Variants in TSPEAR observed in about 807,000 individuals in gnomAD.
TSPEAR encodes thrombospondin type laminin G domain and EAR repeats, also known as thrombospondin-type laminin G domain and EAR repeat-containing protein.
TSPEAR carries 69 observed loss-of-function variants against 71.6 expected under a neutral mutation model. The observed-to-expected ratio is 0.96, with a 90% CI of 0.79 to 1.18. The LOEUF (loss-of-function observed/expected upper bound fraction) is 1.18, where lower values mean the gene tolerates loss of function less well. TSPEAR is among the 50% of genes most tolerant of loss of function. The pLI, the probability that TSPEAR is intolerant of heterozygous loss-of-function variation, is 0.00. For missense variants in TSPEAR, 971 were observed against 894.9 expected (o/e 1.09, Z -1.09); for synonymous variants, 402 against 387.2 (o/e 1.04, Z -0.45).
At chr21:44,636,048 GT>G (rs1232247685) in intron 1 of TSPEAR, among the ~76,000 whole-genome samples, 1 of 151,266 alleles carries the variant, frequency 6.6e-6, no homozygotes, top group Non-Finnish European at 1.5e-5. Flanking sequence ...ATCTTATCCT[GT>G]TTTAGTGGTA....
At chr21:44,604,552 C>T (rs587619724) in intron 1 of TSPEAR, among the ~76,000 whole-genome samples, 60 of 152,238 alleles carry the variant, frequency 3.9e-4, no homozygotes, top group Non-Finnish European at 1.6e-4. Flanking sequence ...AGTCTCACTT[C>T]TTTCTTTTCT....
Position 44,647,555 on chromosome 21 carries a change from CTG to C in TSPEAR, c.82+63876_82+63877del, listed in dbSNP as rs1984516364. The C allele has an allele frequency of 1.1e-5, 7 of 663,708 alleles. No individual in the cohort carries two copies. In the South Asian group the frequency reaches 1.2e-4, roughly 11 times the overall value. 41.1% of individuals were successfully genotyped at this position (663,708 alleles called of 1,614,324 possible). A position where few individuals can be genotyped will look rare whatever the true frequency, so the allele number is the denominator to read the frequency against. ...ACCCACAAATCCCTCAGCAGGTGGA[CTG>C]TGGCTTTCTGGAGCCCCCTTCTCCA... On this transcript the variant is annotated intron_variant, in intron 1 of 11. Coordinates refer to ENST00000323084, the MANE Select transcript of TSPEAR (RefSeq NM_144991.3).
chr21:44,600,662 G>A (rs1601469037), intron 1 of TSPEAR: 1 of 1,613,706 alleles, frequency 6.2e-7, no homozygotes, highest in Middle Eastern at 1.6e-4. Flanking sequence ...AGCGACCTGA[G>A]CTACGGCAGC....
At chr21:44,557,398 C>A (rs2053549975) in intron 2 of TSPEAR, among the ~76,000 whole-genome samples, 1 of 152,090 alleles carries the variant, frequency 6.6e-6, no homozygotes, top group African/African-American at 2.4e-5. Flanking sequence ...TGACCGTGCA[C>A]AGATATTTGA....
intron 2 of TSPEAR, chr21:44,558,153 C>T: frequency 1.9e-6 from 3 of 1,613,320 alleles, no homozygotes; most frequent in Non-Finnish European, 2.5e-6. Flanking sequence ...CGGGCGGCAG[C>T]AGCTGGGCTG....
At chr21:44,703,270 C>T (rs782279883) in intron 1 of TSPEAR, among the ~76,000 whole-genome samples, 7 of 152,250 alleles carry the variant, frequency 4.6e-5, no homozygotes, top group African/African-American at 1.4e-4. Flanking sequence ...TTTCCAGTGG[C>T]GCTGAGTTCC....
intron 1 of TSPEAR, among the ~76,000 whole-genome samples, chr21:44,572,650 T>C (rs2146081685): frequency 6.6e-6 from 1 of 152,002 alleles, no homozygotes; most frequent in South Asian, 2.1e-4. Flanking sequence ...GGTTCTGCCA[T>C]TGTGTCTGCT....
At chr21:44,637,713 G>A in intron 1 of TSPEAR, 2 of 1,228,632 alleles carry the variant, frequency 1.6e-6, no homozygotes, top group Non-Finnish European at 2.2e-6. Context: ...GTGCCTGTCT[G>A]CTGTGTGCCC....
intron 1 of TSPEAR, among the ~76,000 whole-genome samples, chr21:44,600,227 G>A (rs1390032428): frequency 1.3e-5 from 2 of 152,086 alleles, no homozygotes; most frequent in Non-Finnish European, 2.9e-5. Context: ...CCTGGCGATG[G>A]CCCACAGGCG....
At chr21:44,697,311 G>C (rs782805259) in intron 1 of TSPEAR, 1 of 1,613,638 alleles carries the variant, frequency 6.2e-7, no homozygotes, top group South Asian at 1.1e-5. Flanking sequence ...GAGAGCTGCT[G>C]TGAGCCCCCC....
At chr21:44,650,430 G>A (rs373909188) in intron 1 of TSPEAR, among the ~76,000 whole-genome samples, 7 of 152,260 alleles carry the variant, frequency 4.6e-5, no homozygotes, top group African/African-American at 1.7e-4. Context: ...CGGCGGCAGA[G>A]ACTGGGGCCA....
intron 2 of TSPEAR, among the ~76,000 whole-genome samples, chr21:44,537,940 A>C (rs1234074397): frequency 6.6e-6 from 1 of 152,226 alleles, no homozygotes; most frequent in Non-Finnish European, 1.5e-5. Context: ...CTGAGAGCAG[A>C]TCAGGCTGAG....
chr21:44,701,272 C>T (rs186264619), intron 1 of TSPEAR, among the ~76,000 whole-genome samples: 2 of 152,280 alleles, frequency 1.3e-5, no homozygotes, highest in Non-Finnish European at 2.9e-5. Flanking sequence ...ACATTCGATA[C>T]CTTCCTTCCA....
chr21:44,558,762 T>A (rs1171285685), intron 2 of TSPEAR: 1 of 1,559,316 alleles, frequency 6.4e-7, no homozygotes, highest in Non-Finnish European at 8.7e-7. Flanking sequence ...AGTGAGTGAG[T>A]GTGGGAGTGA....
intron 2 of TSPEAR, chr21:44,557,684 G>A: frequency 3.5e-6 from 1 of 284,590 alleles, no homozygotes; most frequent in Admixed American, 4.8e-5. Flanking sequence ...CCCTGGTGCT[G>A]TCAGCCTGGA....
At chr21:44,540,198 G>A (rs1555917072) in intron 2 of TSPEAR, 1 of 1,591,134 alleles carries the variant, frequency 6.3e-7, no homozygotes, top group South Asian at 1.2e-5. Flanking sequence ...GTGAGTGAGT[G>A]TGGGAGTCAG....
chr21:44,640,109 G>A (rs1983939965), intron 1 of TSPEAR, among the ~76,000 whole-genome samples: 1 of 152,220 alleles, frequency 6.6e-6, no homozygotes, highest in South Asian at 2.1e-4. Flanking sequence ...ACCACTGACA[G>A]TAGCCAAGAA....
intron 1 of TSPEAR, chr21:44,592,300 C>A (rs201732843): frequency 6.5e-7 from 1 of 1,538,752 alleles, no homozygotes; most frequent in Non-Finnish European, 8.7e-7. Context: ...GCTGGACACA[C>A]GGCTCACTGG....
At chr21:44,580,363 C>G (rs782099085) in intron 1 of TSPEAR, 1 of 1,613,578 alleles carries the variant, frequency 6.2e-7, no homozygotes, top group Admixed American at 1.7e-5. Context: ...GCTGGCAGCA[C>G]GAGGGCGTGC....
Sources: gnomAD v4.1 joint callset for allele counts (sites outside exome capture counted in the v4.1 genomes callset) on GRCh38, gnomAD v4.1.1 for gene constraint, MANE v1.5 for transcripts, NCBI Gene and HGNC (gene_info 2026-07-23, HGNC 2026-07-21) for gene names.